Variants in PPP1R21 observed in about 807,000 individuals in gnomAD.
PPP1R21 encodes the protein KLRAQ motif containing 1.
Under a neutral mutation model 112.8 loss-of-function variants are expected in PPP1R21, and 85 were observed. That is an observed-to-expected ratio of 0.75 (90% CI 0.63 to 0.90). The LOEUF is 0.90. PPP1R21 is among the 40% of genes least tolerant of loss of function. The probability of loss-of-function intolerance (pLI) is 0.00; values close to 1 mark genes in which losing one functional copy is unlikely to be tolerated. For missense variants in PPP1R21, 1,199 were observed against 901.5 expected (o/e 1.33, Z -4.23); for synonymous variants, 381 against 322.3 (o/e 1.18, Z -1.95).
intron 1 of PPP1R21, among the ~76,000 whole-genome samples, chr2:48,448,117 G>C (rs1667328471): frequency 6.6e-6 from 1 of 152,200 alleles, no homozygotes. Flanking sequence ...AATGGCAATA[G>C]AGTATGCAAG....
At chr2:48,475,066 C>T (rs138881735) in intron 12 of PPP1R21, among the ~76,000 whole-genome samples, 97 of 152,226 alleles carry the variant, frequency 6.4e-4, no homozygotes, top group African/African-American at 2.1e-3. Context: ...AAATTAAGAA[C>T]GTACGGCCAG....
chr2:48,514,531 A>G (rs1670787552), intron 21 of PPP1R21, among the ~76,000 whole-genome samples, 184 bp from the exon 22 acceptor site: 1 of 152,194 alleles, frequency 6.6e-6, no homozygotes, highest in South Asian at 2.1e-4. Flanking sequence ...GAGGAGAGAG[A>G]GTATAACAAA....
chr2:48,501,066 T>G (rs1291282623), intron 17 of PPP1R21, among the ~76,000 whole-genome samples: 1 of 152,198 alleles, frequency 6.6e-6, no homozygotes, highest in Non-Finnish European at 1.5e-5. Flanking sequence ...CAGTCACAAG[T>G]CCTGCATGTT....
intron 13 of PPP1R21, among the ~76,000 whole-genome samples, chr2:48,485,147 T>TTAC (rs1353830705): frequency 6.6e-6 from 1 of 152,088 alleles, no homozygotes; most frequent in African/African-American, 2.4e-5. Context: ...GAAAATAGAA[T>TTAC]TACCATTCGA....
chr2:48,454,315 C>G (rs1446990353), intron 2 of PPP1R21, among the ~76,000 whole-genome samples: 2 of 151,916 alleles, frequency 1.3e-5, no homozygotes, highest in Non-Finnish European at 2.9e-5. Context: ...AAATTTGTAG[C>G]CTCAATCTTT....
chr2:48,498,406 T>G (rs1372730036), intron 16 of PPP1R21, 87 bp from the exon 17 acceptor site: 5 of 1,368,632 alleles, frequency 3.7e-6, no homozygotes, highest in Admixed American at 1.9e-5. Context: ...TGGGGTAGTT[T>G]TGGTTTACAT....
intron 2 of PPP1R21, among the ~76,000 whole-genome samples, chr2:48,452,372 A>G (rs1359077681): frequency 6.6e-6 from 1 of 152,164 alleles, no homozygotes; most frequent in Admixed American, 6.5e-5. Flanking sequence ...GTTCACAACA[A>G]CCCGATGAGG....
chr2:48,512,932 G>C (rs1670705799), intron 21 of PPP1R21, among the ~76,000 whole-genome samples: 1 of 152,124 alleles, frequency 6.6e-6, no homozygotes, highest in Admixed American at 6.6e-5. Context: ...ATTCTTAGTA[G>C]TGGTAGAAAA....
At chr2:48,477,729 T>G (rs1348016412) in intron 12 of PPP1R21, among the ~76,000 whole-genome samples, 2 of 152,088 alleles carry the variant, frequency 1.3e-5, no homozygotes, top group African/African-American at 4.8e-5. Context: ...CCGTATGAAT[T>G]TTAGAATCAG....
chr2:48,475,119 G>A (rs1572860069), intron 12 of PPP1R21, among the ~76,000 whole-genome samples: 1 of 152,332 alleles, frequency 6.6e-6, no homozygotes, highest in East Asian at 1.9e-4. Flanking sequence ...TTGGGAGGCT[G>A]AGGTGGGAGG....
intron 16 of PPP1R21, among the ~76,000 whole-genome samples, chr2:48,496,528 T>C (rs114096614): frequency 0.2 from 29,637 of 151,242 alleles, 3,265 homozygotes; most frequent in Non-Finnish European, 0.25. Flanking sequence ...AGTGCAGTGT[T>C]GTGATCTCAG....
intron 9 of PPP1R21, among the ~76,000 whole-genome samples, chr2:48,466,717 C>A (rs1322819232): frequency 2.0e-5 from 3 of 151,922 alleles, no homozygotes; most frequent in African/African-American, 7.3e-5. Context: ...ACTTTTTCCC[C>A]CAGAAGAGAA....
At chr2:48,461,766 C>G (rs1466955238) in intron 7 of PPP1R21, among the ~76,000 whole-genome samples, 1 of 152,020 alleles carries the variant, frequency 6.6e-6, no homozygotes, top group Non-Finnish European at 1.5e-5. Flanking sequence ...AATTTGCAAC[C>G]TTTAGGTAAG....
At chr2:48,470,218 A>C (rs894924907) in intron 9 of PPP1R21, among the ~76,000 whole-genome samples, 1 of 152,160 alleles carries the variant, frequency 6.6e-6, no homozygotes, top group Non-Finnish European at 1.5e-5. Flanking sequence ...TATCAGTGAC[A>C]GTTATAAAAA....
At position 48,503,951 on chromosome 2, in the gene PPP1R21, T is replaced by TC. The variant is rs1670248912; in HGVS notation, c.1936-1612dup. On this transcript the variant is annotated intron_variant, in intron 17 of 21. Transcript: ENST00000294952. ...CTGGGCAAAAGGGCGAGACTATGTC[T>TC]CAAAAAAAAAAAAAAAAGTTTTCCT... is the stretch of plus-strand genomic sequence containing the variant. Among the ~76,000 whole-genome samples the TC allele has an allele frequency of 1.1e-4, 2 of 18,320 alleles. 1 individual carries two copies. 12.0% of individuals were successfully genotyped at this position (18,320 alleles called of 152,430 possible). A position where few individuals can be genotyped will look rare whatever the true frequency, so the allele number is the denominator to read the frequency against.
intron 2 of PPP1R21, among the ~76,000 whole-genome samples, chr2:48,453,892 T>C (rs910027876): frequency 2.0e-5 from 3 of 152,078 alleles, no homozygotes; most frequent in African/African-American, 7.2e-5. Context: ...ACAGAAAAAA[T>C]GGAATACAAG....
At chr2:48,503,284 T>C (rs968662717) in intron 17 of PPP1R21, among the ~76,000 whole-genome samples, 3 of 152,206 alleles carry the variant, frequency 2.0e-5, no homozygotes, top group African/African-American at 7.2e-5. Flanking sequence ...TAGTTGACAC[T>C]GTACTACATA....
Position 48,471,281 on chromosome 2 carries a change from G to A in PPP1R21, c.1002G>A (p.Glu334=). ...TTGAAATTATTTTTCTTTTCCAGGA[G>A]ACAACTGTGAAATTGAAAACTTTTT... The part of the protein sequence containing the change: ...SITEDTVTVL[E]TTVKLKTFSE... The change falls in exon 11 of 22, where the codon GAG becomes GAA. Residue 334 remains glutamate, a splice_region_variant and synonymous_variant. Transcript: ENST00000294952. The A allele has an allele frequency of 6.2e-7, 1 of 1,611,000 alleles. No homozygotes were observed. The highest frequency in any genetic ancestry group is 8.5e-7 in the Non-Finnish European group (1 of 1,178,728).
At chr2:48,513,056 A>G (rs4953589) in intron 21 of PPP1R21, among the ~76,000 whole-genome samples, 78,294 of 151,900 alleles carry the variant, frequency 0.52, 20,696 homozygotes, top group Middle Eastern at 0.61. Flanking sequence ...AGAAGTAGCA[A>G]TAATTTTTGA....
Sources: gnomAD v4.1 joint callset for allele counts (sites outside exome capture counted in the v4.1 genomes callset) on GRCh38, gnomAD v4.1.1 for gene constraint, MANE v1.5 for transcripts, NCBI Gene and HGNC (gene_info 2026-07-23, HGNC 2026-07-21) for gene names.